Variants in MCC observed in about 807,000 individuals in gnomAD.
MCC encodes MCC regulator of Wnt signaling pathway.
MCC carries 90 observed loss-of-function variants against 116.2 expected under a neutral mutation model. The ratio of observed to expected loss-of-function variants is 0.77; its 90% CI spans 0.65 to 0.92. MCC has a LOEUF of 0.92. Among genes scored for constraint, MCC ranks in the 40% least tolerant of loss-of-function variants. The pLI is 0.00. For missense variants in MCC, 1,516 were observed against 1,312.2 expected (o/e 1.16, Z -2.40); for synonymous variants, 578 against 510.5 (o/e 1.13, Z -1.78).
intron 3 of MCC, among the ~76,000 whole-genome samples, chr5:113,321,210 A>G (rs979241048): frequency 1.3e-5 from 2 of 152,266 alleles, no homozygotes; most frequent in African/African-American, 4.8e-5. Flanking sequence ...TTTGAAGTCT[A>G]GAAATAAAAC....
At chr5:113,388,552 G>A (rs994179878) in intron 1 of MCC, among the ~76,000 whole-genome samples, 1 of 152,058 alleles carries the variant, frequency 6.6e-6, no homozygotes, top group Non-Finnish European at 1.5e-5. Context: ...ACAAGAGCTG[G>A]TTGTTTAAAG....
chr5:113,080,460 A>C (rs1450776974), intron 11 of MCC, among the ~76,000 whole-genome samples: 4 of 152,242 alleles, frequency 2.6e-5, no homozygotes, highest in Admixed American at 6.5e-5. Flanking sequence ...ACACCATGGA[A>C]TACTACTCAG....
intron 1 of MCC, among the ~76,000 whole-genome samples, chr5:113,470,884 T>C (rs1772069936): frequency 6.6e-6 from 1 of 152,230 alleles, no homozygotes; most frequent in African/African-American, 2.4e-5. Flanking sequence ...CGTTTCTTTT[T>C]ATTCTTTTTT....
intron 3 of MCC, among the ~76,000 whole-genome samples, chr5:113,223,641 C>T (rs955192085): frequency 2.6e-5 from 4 of 151,690 alleles, no homozygotes; most frequent in African/African-American, 7.3e-5. Flanking sequence ...AATGGTAATT[C>T]GATAAAGGGA....
chr5:113,437,091 A>AAAC (rs1333179451), intron 1 of MCC: 1 of 152,154 alleles, frequency 6.6e-6, no homozygotes, highest in East Asian at 1.9e-4. Flanking sequence ...CTTCAAAAAA[A>AAAC]AAAAAAGTTT....
chr5:113,398,395 A>G (rs1769590986), intron 1 of MCC, among the ~76,000 whole-genome samples: 1 of 152,248 alleles, frequency 6.6e-6, no homozygotes, highest in African/African-American at 2.4e-5. Flanking sequence ...TGCTAATCAC[A>G]GCACTATTCA....
In MCC at chr5:113,028,876, G is replaced by A. The variant is rs145959742; in HGVS notation, c.2879+58C>T. 2.5e-3 allele frequency: 4,021 copies of A among 1,584,730 alleles called. 11 individuals are homozygous for A. Among genetic ancestry groups the A allele is most frequent in the Admixed American group, 0.011 (619 of 58,062 alleles). On this transcript the variant is annotated intron_variant, in intron 18 of 18. Transcript: ENST00000408903. ...CTGGTGCTGTGTCTACATGCAGGGT[G>A]TCAGTCCAAGTACCACAGGTGGAGG...
chr5:113,469,606 T>G (rs995457452), intron 1 of MCC, among the ~76,000 whole-genome samples: 10 of 152,194 alleles, frequency 6.6e-5, no homozygotes, highest in Non-Finnish European at 1.2e-4. Flanking sequence ...CTTCCAACTA[T>G]GTGGTCAATT....
intron 1 of MCC, among the ~76,000 whole-genome samples, chr5:113,391,233 T>C (rs1769393864): frequency 6.6e-6 from 1 of 152,140 alleles, no homozygotes; most frequent in African/African-American, 2.4e-5. Flanking sequence ...AGCATGATGA[T>C]GGATGATACA....
intron 3 of MCC, among the ~76,000 whole-genome samples, chr5:113,313,239 C>T (rs1203394230): frequency 6.6e-6 from 1 of 151,894 alleles, no homozygotes; most frequent in Non-Finnish European, 1.5e-5. Flanking sequence ...CCTAGCTACT[C>T]GGGAGGCTGA....
chr5:113,433,586 T>A (rs1770735449), intron 1 of MCC: 15 of 1,037,692 alleles, frequency 1.4e-5, no homozygotes, highest in Non-Finnish European at 2.1e-5. Flanking sequence ...GAGAACCATG[T>A]GGGTTACCAA....
rs555784879 is a variant in MCC, at chr5:113,188,155, C to T, written c.628-36733G>A. Among the ~76,000 whole-genome samples the T allele has an allele frequency of 5.1e-4, 77 of 152,274 alleles. 1 individual carries two copies. Among genetic ancestry groups the T allele is most frequent in the Middle Eastern group, 6.8e-3 (2 of 294 alleles). ...GATGGTACTGAAACAACGAATATAGCCTATATCAATGCCAGCTTGTCCACA... is the reference window on the plus strand; with the variant it reads ...GATGGTACTGAAACAACGAATATAGTCTATATCAATGCCAGCTTGTCCACA... On this transcript the variant is annotated intron_variant, in intron 3 of 18. Transcript: ENST00000408903.
At chr5:113,414,876 G>A (rs932400718) in intron 1 of MCC, among the ~76,000 whole-genome samples, 2 of 152,110 alleles carry the variant, frequency 1.3e-5, no homozygotes, top group Admixed American at 1.3e-4. Flanking sequence ...GGTCTTTACA[G>A]TTTGTCATGT....
At chr5:113,246,275 G>A (rs902283603) in intron 3 of MCC, among the ~76,000 whole-genome samples, 1 of 152,194 alleles carries the variant, frequency 6.6e-6, no homozygotes, top group African/African-American at 2.4e-5. Context: ...TCAATACAAT[G>A]AGATCCCTAC....
chr5:113,379,155 G>C (rs1769052513), intron 2 of MCC, among the ~76,000 whole-genome samples: 3 of 152,182 alleles, frequency 2.0e-5, no homozygotes, highest in Admixed American at 1.3e-4. Flanking sequence ...GGGTGGCAGT[G>C]TTATTTTCAG....
chr5:113,154,953 C>A (rs1378505883), intron 3 of MCC, among the ~76,000 whole-genome samples: 2 of 152,018 alleles, frequency 1.3e-5, no homozygotes, highest in African/African-American at 4.8e-5. Flanking sequence ...CTATAGTAAC[C>A]CTACTGTGCT....
At chr5:113,027,523 T>TA (rs1346869167) in intron 18 of MCC, 41 bp from the exon 19 acceptor site, 14 of 1,586,642 alleles carry the variant, frequency 8.8e-6, no homozygotes, top group Non-Finnish European at 9.5e-6. Flanking sequence ...AGATTCATCC[T>TA]AAGTAGCATC....
intron 3 of MCC, among the ~76,000 whole-genome samples, chr5:113,338,338 G>A (rs1446482368): frequency 1.3e-5 from 2 of 152,152 alleles, no homozygotes; most frequent in Non-Finnish European, 2.9e-5. Context: ...GTATGTGAGA[G>A]CTCTCTGTGC....
intron 3 of MCC, among the ~76,000 whole-genome samples, chr5:113,156,659 C>A (rs1457297523): frequency 6.6e-6 from 1 of 152,114 alleles, no homozygotes; most frequent in East Asian, 1.9e-4. Flanking sequence ...TGGATAGAAC[C>A]CTGACACTTT....
Sources: gnomAD v4.1 joint callset for allele counts (sites outside exome capture counted in the v4.1 genomes callset) on GRCh38, gnomAD v4.1.1 for gene constraint, MANE v1.5 for transcripts, NCBI Gene and HGNC (gene_info 2026-07-23, HGNC 2026-07-21) for gene names.